SUMF1: variants seen among roughly 807,000 people sequenced by gnomAD.
SUMF1 encodes formylglycine-generating enzyme.
Under a neutral mutation model 47.6 loss-of-function variants are expected in SUMF1, and 48 were observed. The ratio of observed to expected loss-of-function variants is 1.01; its 90% CI spans 0.80 to 1.28. The LOEUF (loss-of-function observed/expected upper bound fraction) is 1.28. SUMF1 is among the 50% of genes most tolerant of loss of function. The pLI is 0.00. For missense variants in SUMF1, 571 were observed against 485.4 expected, an observed-to-expected ratio of 1.18 and a Z score of -1.66; for synonymous variants, 230 against 192.1, an observed-to-expected ratio of 1.20 and a Z score of -1.63.
In SUMF1 at chr3:4,385,899, A is replaced by AC. The variant is rs1044970426; in HGVS notation, c.955-9511_955-9510insG. On this transcript the variant is annotated intron_variant, in intron 7 of 8. Coordinates refer to ENST00000272902, the MANE Select transcript of SUMF1 (RefSeq NM_182760.4). ...TTGAAAAGCCTTTCTTTCCTTCATT[A>AC]AATTGCTTTGGCAACTTTGTCAAAA... 4.6e-5 allele frequency among the ~76,000 whole-genome samples: 7 copies of AC among 152,294 alleles called. 1 individual carries two copies. The highest frequency in any genetic ancestry group is 2.1e-4 in the South Asian group (1 of 4,830).
intron 8 of SUMF1, among the ~76,000 whole-genome samples, chr3:4,299,972 TAGAA>T (rs1697929299): frequency 2.6e-5 from 4 of 152,208 alleles, no homozygotes; most frequent in Non-Finnish European, 4.4e-5. Context: ...CTTTTCTACA[TAGAA>T]TCAATTCCCT....
At chr3:4,182,960 T>C (rs1178709893) in intron 8 of SUMF1, among the ~76,000 whole-genome samples, 1 of 152,066 alleles carries the variant, frequency 6.6e-6, no homozygotes, top group Non-Finnish European at 1.5e-5. Context: ...CCCAGCCAAT[T>C]ATCTTGGACT....
intron 8 of SUMF1, among the ~76,000 whole-genome samples, chr3:4,131,373 G>C (rs1559496375): frequency 6.6e-6 from 1 of 152,094 alleles, no homozygotes; most frequent in Non-Finnish European, 1.5e-5. Flanking sequence ...AGTTCCCTAT[G>C]ATCAGTTGAC....
At chr3:4,410,672 G>T (rs559068819) in intron 7 of SUMF1, among the ~76,000 whole-genome samples, 193 bp downstream of exon 7, 1 of 152,296 alleles carries the variant, frequency 6.6e-6, no homozygotes, top group East Asian at 1.9e-4. Flanking sequence ...AAGATAACAT[G>T]CTCACAGACA....
chr3:4,222,423 G>A (rs570822017), intron 8 of SUMF1, among the ~76,000 whole-genome samples: 2 of 152,130 alleles, frequency 1.3e-5, no homozygotes, highest in African/African-American at 4.8e-5. Flanking sequence ...GGTACCAGAT[G>A]TTTGAGTTCT....
In SUMF1 at chr3:4,135,046, C is replaced by A. The variant is rs568262042; in HGVS notation, c.1015-66301G>T. On this transcript the variant is annotated intron_variant and NMD_transcript_variant, in intron 8 of 12. Coordinates refer to the SUMF1 transcript ENST00000448413. The stretch of plus-strand genomic sequence containing the variant: ...ACAGCCGAATTCTACCAGAGGTACA[C>A]GGAGGAGCTGGTACCATGCCTTCTG... 2.1e-3 allele frequency among the ~76,000 whole-genome samples: 323 copies of A among 152,118 alleles called. 3 individuals are homozygous for A. The highest frequency in any genetic ancestry group is 1.2e-3 in the Non-Finnish European group (80 of 67,972).
intron 8 of SUMF1, among the ~76,000 whole-genome samples, chr3:4,105,306 C>A (rs1164556605): frequency 1.3e-5 from 2 of 152,118 alleles, no homozygotes; most frequent in East Asian, 1.9e-4. Flanking sequence ...ATTTTGAGAT[C>A]TCTCGCATAG....
chr3:4,166,259 T>G (rs1011778723), intron 8 of SUMF1, among the ~76,000 whole-genome samples: 25 of 152,076 alleles, frequency 1.6e-4, no homozygotes, highest in Non-Finnish European at 4.4e-5. Flanking sequence ...ATGATATGCC[T>G]CAAAATGGAG....
intron 8 of SUMF1, among the ~76,000 whole-genome samples, chr3:4,201,733 T>C (rs541956098): frequency 1.7e-4 from 26 of 152,186 alleles, no homozygotes; most frequent in African/African-American, 6.3e-4. Flanking sequence ...TTTTTCATAG[T>C]GACTGTACTA....
intron 8 of SUMF1, among the ~76,000 whole-genome samples, chr3:4,329,468 C>T (rs181709728): frequency 3.5e-4 from 54 of 152,364 alleles, no homozygotes; most frequent in African/African-American, 1.1e-3. Context: ...CCAATGCTTA[C>T]GGTTTGCACC....
At chr3:4,449,379 G>A (rs1427494534) in intron 2 of SUMF1, 39 bp from the exon 3 acceptor site, 4 of 1,596,592 alleles carry the variant, frequency 2.5e-6, no homozygotes, top group Admixed American at 1.7e-5. Flanking sequence ...AGAAAAGGTT[G>A]TAGTAATGTG....
intron 8 of SUMF1, among the ~76,000 whole-genome samples, chr3:4,122,730 A>C (rs1490791843): frequency 6.6e-6 from 1 of 152,202 alleles, no homozygotes; most frequent in Admixed American, 6.5e-5. Context: ...AGAAGGACTT[A>C]AGTGGCTGTG....
chr3:4,236,945 T>G (rs1696422764), intron 8 of SUMF1, among the ~76,000 whole-genome samples: 2 of 152,168 alleles, frequency 1.3e-5, no homozygotes, highest in Non-Finnish European at 2.9e-5. Flanking sequence ...TTTTACTGTC[T>G]TCATACTTTT....
At chr3:4,460,612 G>GTC (rs1174488838) in intron 1 of SUMF1, among the ~76,000 whole-genome samples, 1 of 149,082 alleles carries the variant, frequency 6.7e-6, no homozygotes, top group Non-Finnish European at 1.5e-5. Context: ...GTGTGTGTGT[G>GTC]TGTGTGTGTG....
At chr3:4,168,947 G>C (rs111474961) in intron 8 of SUMF1, among the ~76,000 whole-genome samples, 1 of 152,158 alleles carries the variant, frequency 6.6e-6, no homozygotes, top group African/African-American at 2.4e-5. Flanking sequence ...GGTAGATATT[G>C]TTCCAGCAAC....
chr3:4,199,459 TATG>T (rs1246100154), intron 8 of SUMF1, among the ~76,000 whole-genome samples: 3 of 152,126 alleles, frequency 2.0e-5, no homozygotes, highest in Non-Finnish European at 4.4e-5. Flanking sequence ...TGTGTGCACA[TATG>T]ATTTCATTCC....
intron 8 of SUMF1, among the ~76,000 whole-genome samples, chr3:4,374,818 T>A (rs979213949): frequency 1.3e-5 from 2 of 152,076 alleles, no homozygotes; most frequent in Non-Finnish European, 2.9e-5. Context: ...TACGTGAACA[T>A]GTAAATATAT....
rs570648881 is a variant in SUMF1 at position 4,068,130 on chromosome 3, C to G, written c.1191+439G>C. Among the ~76,000 whole-genome samples, 8 of 152,244 alleles carry G rather than the reference C, an allele frequency of 5.3e-5. No homozygotes were observed. In the South Asian group the frequency reaches 1.7e-3, roughly 32 times the overall value. ...AATTAGGTTCATCTGAGATGCAAAC[C>G]AATTACCAGCTTAAAACATTTTCTT... On this transcript the variant is annotated intron_variant and NMD_transcript_variant, in intron 9 of 12. Coordinates refer to the SUMF1 transcript ENST00000448413.
intron 8 of SUMF1, among the ~76,000 whole-genome samples, chr3:4,167,695 G>C (rs1261875300): frequency 2.6e-5 from 4 of 152,196 alleles, no homozygotes; most frequent in Non-Finnish European, 5.9e-5. Context: ...ATCAGTAGCA[G>C]TGGCAACTCA....
Sources: allele counts gnomAD v4.1 joint callset (sites outside exome capture counted in the v4.1 genomes callset), GRCh38; gene constraint gnomAD v4.1.1; transcripts MANE v1.5; gene names NCBI Gene and HGNC (gene_info 2026-07-23, HGNC 2026-07-21).